Variants in BCL2L14 observed in about 807,000 individuals in gnomAD.
BCL2L14 encodes the protein apoptosis facilitator Bcl-2-like protein 14.
A neutral mutation model predicts 35.3 loss-of-function variants in BCL2L14; 27 were observed. The observed-to-expected ratio is 0.76, with a 90% CI of 0.56 to 1.05. The LOEUF (loss-of-function observed/expected upper bound fraction) is 1.05, where lower values mean the gene tolerates loss of function less well. Among genes scored for constraint, BCL2L14 ranks in the 50% least tolerant of loss-of-function variants. The probability of loss-of-function intolerance (pLI) is 0.00; values close to 1 mark genes in which losing one functional copy is unlikely to be tolerated. For missense variants in BCL2L14, 377 were observed against 382.6 expected (o/e 0.99, Z 0.12); for synonymous variants, 139 against 145.9 (o/e 0.95, Z 0.34).
chr12:12,058,468 TC>T (rs1948467240), intron 2 of BCL2L14, among the ~76,000 whole-genome samples: 1 of 152,170 alleles, frequency 6.6e-6, no homozygotes, highest in African/African-American at 2.4e-5. Flanking sequence ...GCCAGGCTGT[TC>T]TGTAACATTC....
chr12:12,093,958 T>G (rs1413250224), intron 4 of BCL2L14, among the ~76,000 whole-genome samples: 2 of 150,658 alleles, frequency 1.3e-5, no homozygotes, highest in Admixed American at 1.3e-4. Flanking sequence ...TAGAAAAAAA[T>G]TAGCCAGGTG....
At chr12:12,089,127 G>T (rs956896225) in intron 3 of BCL2L14, among the ~76,000 whole-genome samples, 1 of 152,236 alleles carries the variant, frequency 6.6e-6, no homozygotes, top group African/African-American at 2.4e-5. Context: ...AGCACTTTGG[G>T]AGGCCAAGGC....
chr12:12,049,932 G>A (rs1012272834), exon 1 of BCL2L14: 1 of 152,152 alleles, frequency 6.6e-6, no homozygotes, highest in African/African-American at 2.4e-5. Context: ...CCACCTAGAA[G>A]AACGTTATTG....
intron 4 of BCL2L14, among the ~76,000 whole-genome samples, chr12:12,091,599 G>A (rs556454146): frequency 1.3e-5 from 2 of 152,290 alleles, no homozygotes; most frequent in South Asian, 4.1e-4. Context: ...CTGGGGGTGG[G>A]GATGGGAGGT....
rs145334767 is a variant in BCL2L14 at position 12,091,641 on chromosome 12, G to A, written c.678+792G>A. On this transcript the variant is annotated intron_variant, in intron 4 of 5. Transcript: ENST00000308721. Reference sequence around the variant, plus strand: ...GGAAGACAAACAGCTCCTGTCTATAGCTTTGTCAAAAGTGTGCCCAGAGGC... The same window carrying A: ...GGAAGACAAACAGCTCCTGTCTATAACTTTGTCAAAAGTGTGCCCAGAGGC... 1.5e-3 allele frequency among the ~76,000 whole-genome samples: 222 copies of A among 152,332 alleles called. 1 individual carries two copies. The highest frequency in any genetic ancestry group is 2.9e-3 in the Admixed American group (45 of 15,306).
chr12:12,059,397 T>C (rs552521191), intron 2 of BCL2L14, among the ~76,000 whole-genome samples: 20 of 152,056 alleles, frequency 1.3e-4, no homozygotes, highest in African/African-American at 4.6e-4. Context: ...CCCAACCTCA[T>C]ATCTCTGCAC....
chr12:12,053,805 AG>A (rs1368362439), intron 2 of BCL2L14, among the ~76,000 whole-genome samples: 1 of 152,134 alleles, frequency 6.6e-6, no homozygotes, highest in Non-Finnish European at 1.5e-5. Flanking sequence ...ATTGAAGTGG[AG>A]CTGACAATCA....
chr12:12,096,336 A>T (rs1187423902), intron 5 of BCL2L14: 2 of 234,338 alleles, frequency 8.5e-6, no homozygotes, highest in Non-Finnish European at 1.4e-5. Flanking sequence ...TGCTATTAAA[A>T]AGCAGTGGTT....
intron 2 of BCL2L14, among the ~76,000 whole-genome samples, chr12:12,065,724 C>T (rs1948586246): frequency 2.0e-5 from 3 of 151,978 alleles, no homozygotes; most frequent in South Asian, 2.1e-4. Flanking sequence ...GAGTTGTCTC[C>T]AGCGACTGAG....
chr12:12,053,670 C>G (rs1228340779), intron 2 of BCL2L14, among the ~76,000 whole-genome samples: 2 of 152,202 alleles, frequency 1.3e-5, no homozygotes, highest in African/African-American at 4.8e-5. Flanking sequence ...CCGCCTTGGC[C>G]TCCCAAAGTG....
intron 1 of BCL2L14, among the ~76,000 whole-genome samples, chr12:12,075,716 T>C (rs1341897400): frequency 1.3e-5 from 2 of 152,290 alleles, no homozygotes; most frequent in Non-Finnish European, 1.5e-5. Context: ...TGAGCCATCG[T>C]CCCCTGCCGG....
chr12:12,099,094 T>C lies in BCL2L14; in HGVS notation c.*106T>C, dbSNP rs1949377237. ...ACAACGTACAAGGCAGATGGAGCAT[T>C]GACGTTTTCAAAACCATTATTCCTG... On this transcript the variant is annotated 3_prime_UTR_variant, in exon 6 of 6. Coordinates refer to ENST00000308721, the MANE Select transcript of BCL2L14 (RefSeq NM_138723.2). The C allele has an allele frequency of 2.4e-6, 2 of 824,284 alleles. No homozygotes were observed. The highest frequency in any genetic ancestry group is 4.3e-5 in the Admixed American group (2 of 46,638). 51.1% of individuals were successfully genotyped at this position (824,284 alleles called of 1,614,324 possible). A position where few individuals can be genotyped will look rare whatever the true frequency, so the allele number is the denominator to read the frequency against.
At chr12:12,058,514 C>T (rs1286905965) in intron 2 of BCL2L14, among the ~76,000 whole-genome samples, 2 of 152,128 alleles carry the variant, frequency 1.3e-5, no homozygotes, top group Non-Finnish European at 2.9e-5. Flanking sequence ...CTGTTCCTGC[C>T]TTAACTGATG....
chr12:12,090,221 G>C (rs2136772396), intron 3 of BCL2L14, among the ~76,000 whole-genome samples: 1 of 152,320 alleles, frequency 6.6e-6, no homozygotes, highest in East Asian at 1.9e-4. Context: ...GTGAGAGCTG[G>C]GGGACTGAGC....
chr12:12,079,223 C>A, intron 1 of BCL2L14, 76 bp from the exon 2 acceptor site: 2 of 1,248,890 alleles, frequency 1.6e-6, no homozygotes, highest in African/African-American at 1.5e-5. Flanking sequence ...CCTGAGTTTT[C>A]ACCCCTGTCT....
chr12:12,051,778 T>C (rs976093158), intron 1 of BCL2L14: 8 of 152,232 alleles, frequency 5.3e-5, no homozygotes, highest in African/African-American at 1.9e-4. Context: ...AAGCGAATAT[T>C]ATCTCCTTGC....
intron 2 of BCL2L14, among the ~76,000 whole-genome samples, chr12:12,058,771 C>T (rs528326361): frequency 1.2e-4 from 19 of 152,262 alleles, no homozygotes; most frequent in South Asian, 8.3e-4. Flanking sequence ...CTCTTCACAC[C>T]GACGCGCATG....
At chr12:12,090,396 G>A (rs144063402) in intron 3 of BCL2L14, among the ~76,000 whole-genome samples, 2,201 of 152,228 alleles carry the variant, frequency 0.014, 31 homozygotes, top group Non-Finnish European at 0.022. Flanking sequence ...TTGGGAGGCC[G>A]AAGTGGGTGG....
chr12:12,096,940 G>A (rs1317688317), intron 5 of BCL2L14, among the ~76,000 whole-genome samples: 2 of 152,006 alleles, frequency 1.3e-5, no homozygotes, highest in Non-Finnish European at 2.9e-5. Context: ...TCAGGAGATC[G>A]AGACCATCCT....
Sources: allele counts gnomAD v4.1 joint callset (sites outside exome capture counted in the v4.1 genomes callset), GRCh38; gene constraint gnomAD v4.1.1; transcripts MANE v1.5; gene names NCBI Gene and HGNC (gene_info 2026-07-23, HGNC 2026-07-21).